The following MRPL14 variants were observed in gnomAD, a reference collection of about 807,000 sequenced individuals.
MRPL14 encodes mitochondrial ribosomal protein L14.
Under a neutral mutation model 10.9 loss-of-function variants are expected in MRPL14, and 8 were observed. The ratio of observed to expected loss-of-function variants is 0.74; its 90% CI spans 0.43 to 1.33. MRPL14 has a LOEUF of 1.33. MRPL14 is among the 40% of genes most tolerant of loss of function. The pLI is 0.01. For synonymous variants in MRPL14, 82 were observed against 74.1 expected (o/e 1.11, Z -0.54); for missense variants, 179 against 194.5 (o/e 0.92, Z 0.47).
chr6:44,124,307 T>A (rs539818193), intron 1 of MRPL14, among the ~76,000 whole-genome samples: 2 of 152,316 alleles, frequency 1.3e-5, no homozygotes, highest in East Asian at 3.9e-4. Flanking sequence ...ATCACCTGTC[T>A]GGGTCTCAAC....
At chr6:44,115,771 G>T (rs1775782121) in intron 2 of MRPL14, among the ~76,000 whole-genome samples, 1 of 152,004 alleles carries the variant, frequency 6.6e-6, no homozygotes. Flanking sequence ...AGCACACCCT[G>T]CCTCCCAATT....
chr6:44,116,877 T>C (rs1470626920), intron 1 of MRPL14, among the ~76,000 whole-genome samples: 1 of 152,148 alleles, frequency 6.6e-6, no homozygotes, highest in Admixed American at 6.5e-5. Context: ...TATAAAAAAA[T>C]ACAACAGCAC....
intron 1 of MRPL14, among the ~76,000 whole-genome samples, chr6:44,123,879 AG>A (rs976916100): frequency 6.6e-6 from 1 of 152,178 alleles, no homozygotes; most frequent in African/African-American, 2.4e-5. Flanking sequence ...TCAAAAAAAA[AG>A]TAAGCAGTAG....
intron 1 of MRPL14, among the ~76,000 whole-genome samples, chr6:44,117,749 G>A (rs929607497): frequency 2.0e-5 from 3 of 150,942 alleles, no homozygotes; most frequent in Non-Finnish European, 2.9e-5. Flanking sequence ...CTGCAGTCCC[G>A]AACTCCCCAA....
intron 1 of MRPL14, 86 bp from the exon 2 acceptor site, chr6:44,116,715 G>T: frequency 1.2e-6 from 1 of 827,006 alleles, no homozygotes; most frequent in South Asian, 1.4e-5. Context: ...TGTGGGAGAT[G>T]GCACTTCCAG....
chr6:44,127,168 A>ACCCCCCCTCCCCGTCGGGACC (rs72348651), intron 1 of MRPL14, 176 bp downstream of exon 1: 4 of 79,416 alleles, frequency 5.0e-5, no homozygotes, highest in Non-Finnish European at 8.9e-5. Flanking sequence ...CCCCGTCGGG[A>ACCCCCCCTCCCCGTCGGGACC]CCCCCCTCCC....
Position 44,114,125 on chromosome 6 carries a change from A to G in MRPL14, c.156T>C (p.His52=). 1 of 1,613,986 alleles carries G rather than the reference A, an allele frequency of 6.2e-7. No individual in the cohort carries two copies. Among genetic ancestry groups the G allele is most frequent in the South Asian group, 1.1e-5 (1 of 91,080 alleles). The change falls in exon 3 of 3, where the codon CAT becomes CAC. Residue 52 remains histidine, a synonymous_variant. Transcript: ENST00000372014. ...AGACATGGATGCAGCGAGGAGCCCGATGGTATGGGCTGTTCCCCAGGGCAC... is the reference window on the plus strand; with the variant it reads ...AGACATGGATGCAGCGAGGAGCCCGGTGGTATGGGCTGTTCCCCAGGGCAC... ...DNSALGNSPY[H]RAPRCIHVYK... is the part of the protein sequence containing the mutation.
At chr6:44,120,847 T>C (rs542540090) in intron 1 of MRPL14, among the ~76,000 whole-genome samples, 1 of 152,202 alleles carries the variant, frequency 6.6e-6, no homozygotes, top group South Asian at 2.1e-4. Flanking sequence ...ATTTTTGGAA[T>C]CAGGACATGT....
chr6:44,114,558 C>G (rs1024010866), intron 2 of MRPL14, among the ~76,000 whole-genome samples: 3 of 152,238 alleles, frequency 2.0e-5, no homozygotes, highest in African/African-American at 7.2e-5. Flanking sequence ...TGGGCTAGGC[C>G]TCACCCACTG....
Position 44,114,026 on chromosome 6 carries a change from G to A in MRPL14, c.255C>T (p.Leu85=), listed in dbSNP as rs374224898. Residue 85 remains leucine (L), a synonymous_variant, in exon 3 of 3, where the codon CTC becomes CTT. Transcript: ENST00000372014. The stretch of plus-strand genomic sequence containing the variant: ...GGCCAGGCATGCAGTGCCCCACAAT[G>A]AGCGCCTTTTTCTTCTGTCCCTTGA... ...LAIKGQKKKA[L]IVGHCMPGPR... is the part of the protein sequence containing the mutation. 1 of 1,614,194 alleles carries A rather than the reference G, an allele frequency of 6.2e-7. No homozygotes were observed. Among genetic ancestry groups the A allele is most frequent in the Non-Finnish European group, 8.5e-7 (1 of 1,180,040 alleles).
intron 1 of MRPL14, among the ~76,000 whole-genome samples, chr6:44,123,252 A>G (rs1365457144): frequency 1.3e-5 from 2 of 152,244 alleles, no homozygotes; most frequent in African/African-American, 4.8e-5. Flanking sequence ...GACTCGTCCA[A>G]GGTTACAAGG....
intron 1 of MRPL14, among the ~76,000 whole-genome samples, chr6:44,122,451 G>C (rs1256197232): frequency 2.0e-5 from 3 of 152,140 alleles, no homozygotes; most frequent in Non-Finnish European, 4.4e-5. Flanking sequence ...CTGATGCTTT[G>C]TGGAAAGCTG....
chr6:44,124,739 G>C (rs1776771522), intron 1 of MRPL14, among the ~76,000 whole-genome samples: 1 of 152,158 alleles, frequency 6.6e-6, no homozygotes, highest in South Asian at 2.1e-4. Flanking sequence ...ACATTTCTGA[G>C]ATCTGAACTG....
chr6:44,116,698 G>A, intron 1 of MRPL14, 69 bp from the exon 2 acceptor site: 2 of 1,023,292 alleles, frequency 2.0e-6, no homozygotes, highest in South Asian at 2.6e-5. Flanking sequence ...TTTTCTTTGG[G>A]GACTTGTGTG....
chr6:44,121,217 ACT>A (rs1314250274), intron 1 of MRPL14, among the ~76,000 whole-genome samples: 1 of 151,146 alleles, frequency 6.6e-6, no homozygotes, highest in Non-Finnish European at 1.5e-5. Flanking sequence ...TCTCTACAAC[ACT>A]CTCACTTAGA....
chr6:44,118,306 G>C lies in MRPL14; in HGVS notation c.-18-1677C>G, dbSNP rs183961082. Reference sequence around the variant, plus strand: ...CAAGGTAGTTATGAGGATTCAATTAGATAAGCCATGCAAAGCACTTAGCAC... The same window carrying C: ...CAAGGTAGTTATGAGGATTCAATTACATAAGCCATGCAAAGCACTTAGCAC... On this transcript the variant is annotated intron_variant, in intron 1 of 2. Transcript: ENST00000372014. Among the ~76,000 whole-genome samples the C allele has an allele frequency of 5.3e-5, 8 of 152,298 alleles. No homozygotes were observed. In the East Asian group the frequency reaches 1.4e-3, roughly 26 times the overall value.
At chr6:44,120,829 T>A (rs186849631) in intron 1 of MRPL14, among the ~76,000 whole-genome samples, 2 of 152,138 alleles carry the variant, frequency 1.3e-5, no homozygotes, top group Admixed American at 1.3e-4. Flanking sequence ...GGCAGAGCTC[T>A]TATCTGTATT....
At chr6:44,125,393 C>T (rs1776862735) in intron 1 of MRPL14, among the ~76,000 whole-genome samples, 3 of 152,104 alleles carry the variant, frequency 2.0e-5, no homozygotes, top group Admixed American at 2.0e-4. Context: ...AGGTGGCTCA[C>T]GCCTGTAATC....
chr6:44,113,997 C>G lies in MRPL14; in HGVS notation c.284G>C (p.Arg95Pro). Residue 95 changes from arginine to proline, a missense_variant, in exon 3 of 3, where the codon CGA becomes CCA. Coordinates refer to ENST00000372014, the MANE Select transcript of MRPL14 (RefSeq NM_032111.4). ...LIVGHCMPGP[R>P]MTPRFDSNNV... Reference sequence around the variant, plus strand: ...GTTGGAGTCGAATCTGGGGGTCATTCGGGGGCCAGGCATGCAGTGCCCCAC... The same window carrying G: ...GTTGGAGTCGAATCTGGGGGTCATTGGGGGGCCAGGCATGCAGTGCCCCAC... 2 of 1,614,116 alleles carry G rather than the reference C, an allele frequency of 1.2e-6. No homozygotes were observed. The highest frequency in any genetic ancestry group is 2.2e-5 in the South Asian group (2 of 91,084).
Sources: allele counts gnomAD v4.1 joint callset (sites outside exome capture counted in the v4.1 genomes callset), GRCh38; gene constraint gnomAD v4.1.1; transcripts MANE v1.5; gene names NCBI Gene and HGNC (gene_info 2026-07-23, HGNC 2026-07-21).